The following HFM1 variants were observed in gnomAD, a reference collection of about 807,000 sequenced individuals.
HFM1 encodes the protein helicase for meiosis 1.
A neutral mutation model predicts 192.1 loss-of-function variants in HFM1; 169 were observed. That is an observed-to-expected ratio of 0.88 (90% CI 0.78 to 1.00). HFM1 has a LOEUF of 1.00. Ranked by LOEUF, HFM1 falls within the 50% of genes least tolerant of loss-of-function variation. The pLI, the probability that HFM1 is intolerant of heterozygous loss-of-function variation, is 0.00. For synonymous variants in HFM1, 525 were observed against 537.8 expected, an observed-to-expected ratio of 0.98 and a Z score of 0.33; for missense variants, 1,661 against 1,668.0, an observed-to-expected ratio of 1.00 and a Z score of 0.07.
chr1:91,291,218 A>C (rs1317630682), intron 30 of HFM1, among the ~76,000 whole-genome samples: 1 of 152,358 alleles, frequency 6.6e-6, no homozygotes, highest in Admixed American at 6.5e-5. Flanking sequence ...GAACTGAAGG[A>C]AATAGAGACA....
At chr1:91,407,628 T>C (rs1167063164), upstream of HFM1, among the ~76,000 whole-genome samples, 1 of 152,248 alleles carries the variant, frequency 6.6e-6, no homozygotes, top group African/African-American at 2.4e-5. Flanking sequence ...TACCACATTT[T>C]GTTTATCCAT....
At position 91,384,206 on chromosome 1, in the gene HFM1, C is replaced by T. The variant is rs76554958; in HGVS notation, c.802+981G>A. Among the ~76,000 whole-genome samples, 239 of 152,276 alleles carry T rather than the reference C, an allele frequency of 1.6e-3. 3 individuals are homozygous for T. In the East Asian group the frequency reaches 0.023, roughly 15 times the overall value. On this transcript the variant is annotated intron_variant, in intron 6 of 38. Coordinates refer to ENST00000370425, the MANE Select transcript of HFM1 (RefSeq NM_001017975.6). Reference sequence around the variant, plus strand: ...CAGAACAATTTCCTTACTTTACCTGCCTTACTTTATCTGCCTTTCAATGTA... The same window carrying T: ...CAGAACAATTTCCTTACTTTACCTGTCTTACTTTATCTGCCTTTCAATGTA...
chr1:91,335,737 G>A (rs1463359026), intron 20 of HFM1, among the ~76,000 whole-genome samples: 1 of 152,126 alleles, frequency 6.6e-6, no homozygotes, highest in East Asian at 1.9e-4. Flanking sequence ...TGGAGGACAT[G>A]AGAATGTACC....
At chr1:91,364,632 A>ATATATATATAT (rs753472335) in intron 13 of HFM1, among the ~76,000 whole-genome samples, 6 of 66,786 alleles carry the variant, frequency 9.0e-5, no homozygotes, top group African/African-American at 3.2e-4. Context: ...ATATATATAT[A>ATATATATATAT]TTTTTTTTTT....
At chr1:91,345,927 C>A (rs1198567681) in intron 19 of HFM1, among the ~76,000 whole-genome samples, 1 of 152,142 alleles carries the variant, frequency 6.6e-6, no homozygotes, top group Non-Finnish European at 1.5e-5. Context: ...TGTTTCTCAA[C>A]AACTATCCAT....
At chr1:91,338,930 C>T (rs964205701) in intron 20 of HFM1, 1 of 455,824 alleles carries the variant, frequency 2.2e-6, no homozygotes, top group Non-Finnish European at 4.4e-6. Flanking sequence ...ACACCTCTAA[C>T]CCTCCAGTGC....
At chr1:91,283,670 T>C (rs954792557) in intron 30 of HFM1, among the ~76,000 whole-genome samples, 1 of 152,198 alleles carries the variant, frequency 6.6e-6, no homozygotes, top group Non-Finnish European at 1.5e-5. Context: ...TTACATGTTA[T>C]AAAGTCTCTA....
intron 20 of HFM1, chr1:91,328,343 C>T (rs912316235): frequency 7.9e-6 from 12 of 1,522,892 alleles, no homozygotes; most frequent in Middle Eastern, 2.0e-4. Context: ...GCCGAGGCCT[C>T]GTGTCCCAAA....
chr1:91,266,130 G>C lies in HFM1; in HGVS notation c.3884-23C>G, dbSNP rs749067432. ...ATCCTATGTGAAGAGATAACATTTT[G>C]AAACAAAATGCCAAGAAACAGCTGA... On this transcript the variant is annotated intron_variant, in intron 35 of 38. Transcript: ENST00000370425. 3.2e-6 allele frequency: 5 copies of C among 1,579,460 alleles called. No homozygotes were observed. The East Asian group carries it at 7.0e-5, about 22-fold the overall frequency.
chr1:91,277,493 A>T (rs1453191489), intron 30 of HFM1, among the ~76,000 whole-genome samples: 3 of 132,662 alleles, frequency 2.3e-5, no homozygotes, highest in Non-Finnish European at 4.7e-5. Context: ...GTGTGTGTAT[A>T]ATCTCCCTGG....
intron 4 of HFM1, among the ~76,000 whole-genome samples, chr1:91,388,991 A>C (rs1662583058): frequency 6.6e-6 from 1 of 152,194 alleles, no homozygotes; most frequent in African/African-American, 2.4e-5. Flanking sequence ...TCTGAATAAG[A>C]CATTACTCCA....
chr1:91,289,455 A>T (rs996014676), intron 30 of HFM1, among the ~76,000 whole-genome samples: 1 of 152,074 alleles, frequency 6.6e-6, no homozygotes, highest in Non-Finnish European at 1.5e-5. Flanking sequence ...CTTCCTAGAC[A>T]GAGTGGCACC....
chr1:91,328,566 C>T lies in HFM1; in HGVS notation c.2336-3800G>A, dbSNP rs1653290199. 3.1e-6 allele frequency: 5 copies of T among 1,610,876 alleles called. No homozygotes were observed. In the Admixed American group the frequency reaches 5.0e-5, roughly 16 times the overall value. ...AGAACGAGGAGGGTGAGACCACCAG[C>T]CACCTGATAGGCATGTTCTACCGCA... On this transcript the variant is annotated intron_variant, in intron 20 of 38. Transcript: ENST00000370425.
chr1:91,404,751 GC>G, intron 1 of HFM1, 46 bp downstream of exon 1: 1 of 420,780 alleles, frequency 2.4e-6, no homozygotes, highest in Non-Finnish European at 4.8e-6. Flanking sequence ...CGGGCGTCGG[GC>G]CCCCGTCCCC....
chr1:91,267,008 T>C (rs1488867945), intron 35 of HFM1, among the ~76,000 whole-genome samples: 2 of 152,284 alleles, frequency 1.3e-5, no homozygotes, highest in Middle Eastern at 3.4e-3. Flanking sequence ...GTATGGTAAG[T>C]GGTATCTATA....
At chr1:91,277,504 T>C (rs988137237) in intron 30 of HFM1, among the ~76,000 whole-genome samples, 1 of 39,874 alleles carries the variant, frequency 2.5e-5, no homozygotes, top group African/African-American at 8.5e-5. Flanking sequence ...ATCTCCCTGG[T>C]GGGTGTGTGT....
In HFM1 at chr1:91,262,314, G is replaced by A; in HGVS notation, c.4165C>T (p.Pro1389Ser). 6.6e-7 allele frequency: 1 copy of A among 1,524,946 alleles called. No homozygotes were observed. 94.5% of individuals were successfully genotyped at this position (1,524,946 alleles called of 1,614,324 possible). Reference protein sequence around the residue: ...KQCFTFSEKNPNSSNYKKVDF... With the variant: ...KQCFTFSEKNSNSSNYKKVDF... ...ACTTTTTTATAATTTGAAGAATTTG[G>A]GTTTTTTTCAGAGAAAGTAAAGCAT... The change falls in exon 38 of 39, where the codon CCA becomes TCA. Residue 1389 changes from proline (P) to serine (S), a missense_variant. Coordinates refer to ENST00000370425, the MANE Select transcript of HFM1 (RefSeq NM_001017975.6).
chr1:91,316,342 G>A, intron 26 of HFM1, 49 bp downstream of exon 26: 1 of 1,156,212 alleles, frequency 8.6e-7, no homozygotes, highest in Non-Finnish European at 1.3e-6. Flanking sequence ...TAGAAATAAA[G>A]GTAGGCCTCA....
chr1:91,337,141 C>T (rs1450283181), intron 20 of HFM1, among the ~76,000 whole-genome samples: 1 of 152,160 alleles, frequency 6.6e-6, no homozygotes, highest in Non-Finnish European at 1.5e-5. Context: ...GCTTGATACA[C>T]AGGTGATGGT....
Sources: gnomAD v4.1 joint callset for allele counts (sites outside exome capture counted in the v4.1 genomes callset) on GRCh38, gnomAD v4.1.1 for gene constraint, MANE v1.5 for transcripts, NCBI Gene and HGNC (gene_info 2026-07-23, HGNC 2026-07-21) for gene names.